The following SLIT2 variants were observed in gnomAD, a reference collection of about 807,000 sequenced individuals.
SLIT2 encodes slit guidance ligand 2, also known as slit homolog 2 protein.
SLIT2 carries 41 observed loss-of-function variants against 185.7 expected under a neutral mutation model. The ratio of observed to expected loss-of-function variants is 0.22; its 90% CI spans 0.17 to 0.29. The LOEUF (loss-of-function observed/expected upper bound fraction) is 0.29. SLIT2 is among the 10% of genes least tolerant of loss of function. The pLI is 1.00. For missense variants in SLIT2, 1,571 were observed against 1,909.0 expected (o/e 0.82, Z 3.30); for synonymous variants, 693 against 680.2 (o/e 1.02, Z -0.29).
intron 4 of SLIT2, among the ~76,000 whole-genome samples, chr4:20,421,774 A>G (rs2109466232): frequency 6.6e-6 from 1 of 152,308 alleles, no homozygotes; most frequent in Non-Finnish European, 1.5e-5. Flanking sequence ...TGATGTCAAG[A>G]GGCTCTAAGC....
chr4:20,613,859 T>A (rs1729434822), intron 34 of SLIT2, among the ~76,000 whole-genome samples: 1 of 152,110 alleles, frequency 6.6e-6, no homozygotes, highest in Non-Finnish European at 1.5e-5. Flanking sequence ...TGATATGTGC[T>A]TTACTTGACA....
At chr4:20,454,168 T>A (rs1196627787) in intron 4 of SLIT2, among the ~76,000 whole-genome samples, 2 of 152,218 alleles carry the variant, frequency 1.3e-5, no homozygotes, top group Non-Finnish European at 2.9e-5. Context: ...CTCCCCAGTC[T>A]TCCCTGAGTT....
At chr4:20,425,783 T>G (rs1272076486) in intron 4 of SLIT2, among the ~76,000 whole-genome samples, 2 of 152,162 alleles carry the variant, frequency 1.3e-5, no homozygotes, top group Non-Finnish European at 2.9e-5. Flanking sequence ...CATGAGAAAG[T>G]GGTACTTTTG....
chr4:20,370,366 C>A (rs185623988), intron 4 of SLIT2, among the ~76,000 whole-genome samples: 2 of 152,218 alleles, frequency 1.3e-5, no homozygotes, highest in African/African-American at 4.8e-5. Context: ...CTCCCTGAGG[C>A]GGCCAATGCC....
intron 1 of SLIT2, among the ~76,000 whole-genome samples, chr4:20,256,324 G>GGA (rs1008446556): frequency 2.7e-5 from 4 of 149,808 alleles, no homozygotes; most frequent in African/African-American, 9.9e-5. Flanking sequence ...TTTGGGGGGG[G>GGA]TGCCTAACAA....
intron 34 of SLIT2, chr4:20,615,648 G>A (rs1729593708): frequency 6.6e-6 from 1 of 152,184 alleles, no homozygotes; most frequent in Admixed American, 6.5e-5. Flanking sequence ...TAGTGGTTTC[G>A]TACACCTAGC....
chr4:20,596,840 A>G (rs568446133), intron 32 of SLIT2, among the ~76,000 whole-genome samples, 185 bp downstream of exon 32: 2 of 152,044 alleles, frequency 1.3e-5, no homozygotes, highest in East Asian at 3.9e-4. Flanking sequence ...TCAAGACAAA[A>G]TGAAAAACAA....
At chr4:20,536,575 A>C (rs745734903) in intron 18 of SLIT2, among the ~76,000 whole-genome samples, 4,163 of 144,276 alleles carry the variant, frequency 0.029, 82 homozygotes, top group African/African-American at 0.057. Flanking sequence ...AAAAAAAAAA[A>C]AAAACAAAAA....
intron 6 of SLIT2, among the ~76,000 whole-genome samples, chr4:20,482,454 A>G (rs1014305118): frequency 6.6e-6 from 1 of 152,024 alleles, no homozygotes; most frequent in Non-Finnish European, 1.5e-5. Context: ...CACAAATACA[A>G]TAACTACATT....
chr4:20,511,777 G>T (rs1489053011), intron 11 of SLIT2, among the ~76,000 whole-genome samples: 1 of 151,414 alleles, frequency 6.6e-6, no homozygotes, highest in Non-Finnish European at 1.5e-5. Context: ...TGGAAAGCAT[G>T]TAGCTAGTAT....
At chr4:20,558,495 T>C (rs1183701391) in intron 26 of SLIT2, among the ~76,000 whole-genome samples, 1 of 152,064 alleles carries the variant, frequency 6.6e-6, no homozygotes, top group Non-Finnish European at 1.5e-5. Flanking sequence ...ATTTAACATA[T>C]AATAGTATAG....
rs917436889 is a variant in SLIT2 at position 20,620,514 on chromosome 4, G to A, written c.*1505G>A. 28 of 418,558 alleles carry A rather than the reference G, an allele frequency of 6.7e-5. No individual in the cohort carries two copies. Among genetic ancestry groups the A allele is most frequent in the Admixed American group, 2.6e-4 (9 of 34,964 alleles). The allele number at this position is 418,558 out of a possible 1,614,324, so 25.9% of individuals were successfully genotyped here. On this transcript the variant is annotated 3_prime_UTR_variant, in exon 37 of 37. Coordinates refer to ENST00000504154, the MANE Select transcript of SLIT2 (RefSeq NM_004787.4). The stretch of plus-strand genomic sequence containing the variant: ...CTTTGTCTTTCTCCAGATTAATATC[G>A]GTTACACTGCTGATGTTTGTAAATT...
At chr4:20,409,356 G>A (rs1158492541) in intron 4 of SLIT2, among the ~76,000 whole-genome samples, 1 of 152,136 alleles carries the variant, frequency 6.6e-6, no homozygotes, top group Non-Finnish European at 1.5e-5. Context: ...GTTTGCTGAG[G>A]ATAATGGCTT....
At chr4:20,387,313 A>G (rs1725011637) in intron 4 of SLIT2, among the ~76,000 whole-genome samples, 1 of 152,136 alleles carries the variant, frequency 6.6e-6, no homozygotes, top group African/African-American at 2.4e-5. Context: ...CTGAAATTAT[A>G]AAAATATTTA....
chr4:20,572,333 G>T (rs115020139), intron 29 of SLIT2, among the ~76,000 whole-genome samples: 2,896 of 152,252 alleles, frequency 0.019, 105 homozygotes, highest in African/African-American at 0.066. Context: ...AATTCACTAT[G>T]AATCTAAATT....
intron 5 of SLIT2, among the ~76,000 whole-genome samples, chr4:20,472,598 C>CGATATA (rs1243899697): frequency 0.076 from 588 of 7,780 alleles, 216 homozygotes; most frequent in East Asian, 0.2. Context: ...AGATATATAT[C>CGATATA]TATAGATATA....
At chr4:20,438,119 T>C (rs1729483034) in intron 4 of SLIT2, among the ~76,000 whole-genome samples, 1 of 152,076 alleles carries the variant, frequency 6.6e-6, no homozygotes, top group Non-Finnish European at 1.5e-5. Context: ...TTTCTGGTCT[T>C]TCTACTTCCA....
chr4:20,338,914 A>C (rs112413516), intron 4 of SLIT2, among the ~76,000 whole-genome samples: 9,602 of 151,890 alleles, frequency 0.063, 317 homozygotes, highest in South Asian at 0.083. Context: ...AAACAGAGAG[A>C]GATCCCATCT....
intron 11 of SLIT2, among the ~76,000 whole-genome samples, chr4:20,517,369 T>A (rs577940187): frequency 6.6e-6 from 1 of 152,272 alleles, no homozygotes; most frequent in East Asian, 1.9e-4. Flanking sequence ...ATGAATGAAT[T>A]GAAAGATATT....
Sources: gnomAD v4.1 joint callset for allele counts (sites outside exome capture counted in the v4.1 genomes callset) on GRCh38, gnomAD v4.1.1 for gene constraint, MANE v1.5 for transcripts, NCBI Gene and HGNC (gene_info 2026-07-23, HGNC 2026-07-21) for gene names.